TMEM120B: variants seen among roughly 807,000 people sequenced by gnomAD.
The protein encoded by TMEM120B is transmembrane protein 120B.
A neutral mutation model predicts 55.5 loss-of-function variants in TMEM120B; 31 were observed. That is an observed-to-expected ratio of 0.56 (90% CI 0.42 to 0.75). The LOEUF (loss-of-function observed/expected upper bound fraction) is 0.75. Among genes scored for constraint, TMEM120B ranks in the 30% least tolerant of loss-of-function variants. TMEM120B has a pLI of 0.00. For missense variants in TMEM120B, 399 were observed against 425.5 expected (o/e 0.94, Z 0.55); for synonymous variants, 203 against 176.3 (o/e 1.15, Z -1.20).
rs887773580 is a variant in TMEM120B at position 121,780,640 on chromosome 12, C to G, written c.*4918C>G. On this transcript the variant is annotated 3_prime_UTR_variant, in exon 12 of 12. Coordinates refer to ENST00000449592, the MANE Select transcript of TMEM120B (RefSeq NM_001080825.2). ...ACCTCTCTGGGCCTCAGTTTCTCCC[C>G]CTGTAAACTGGGGGATGTGAACAGC... 2 of 583,724 alleles carry G rather than the reference C, an allele frequency of 3.4e-6. No individual in the cohort carries two copies. Among genetic ancestry groups the G allele is most frequent in the Non-Finnish European group, 6.0e-6 (2 of 334,876 alleles). The allele number at this position is 583,724 out of a possible 1,614,324, so 36.2% of individuals were successfully genotyped here.
intron 1 of TMEM120B, among the ~76,000 whole-genome samples, chr12:121,737,504 CA>C (rs879842557): frequency 8.0e-4 from 111 of 138,484 alleles, no homozygotes; most frequent in Admixed American, 8.0e-4. Flanking sequence ...GACTCTGTCT[CA>C]AAAAAAAAAA....
chr12:121,774,182 CTGGCCTCAAGTGAT>C (rs1172645757), intron 9 of TMEM120B, among the ~76,000 whole-genome samples: 1 of 152,140 alleles, frequency 6.6e-6, no homozygotes, highest in African/African-American at 2.4e-5. Flanking sequence ...TCTCAAACTG[CTGGCCTCAAGTGAT>C]CTGCCCACCT....
intron 1 of TMEM120B, among the ~76,000 whole-genome samples, chr12:121,713,183 C>T (rs1566502749): frequency 6.6e-6 from 1 of 152,184 alleles, no homozygotes; most frequent in Admixed American, 6.5e-5. Flanking sequence ...CCCTCTTCCG[C>T]CGCCCTCCCA....
chr12:121,735,752 G>A (rs560949070), intron 1 of TMEM120B, among the ~76,000 whole-genome samples: 22 of 145,976 alleles, frequency 1.5e-4, no homozygotes, highest in African/African-American at 5.1e-4. Context: ...GTGCAGTGGC[G>A]CATTCTCGGC....
intron 6 of TMEM120B, among the ~76,000 whole-genome samples, chr12:121,765,805 T>C (rs530451839): frequency 1.3e-5 from 2 of 152,294 alleles, no homozygotes; most frequent in South Asian, 4.1e-4. Context: ...TCAGGGCTGA[T>C]TGATCCTGGG....
At chr12:121,735,185 C>CAA (rs377589219) in intron 1 of TMEM120B, among the ~76,000 whole-genome samples, 687 of 66,708 alleles carry the variant, frequency 0.01, 8 homozygotes, top group African/African-American at 0.033. Flanking sequence ...GACTCTGTCT[C>CAA]AAAAAAAAAA....
At chr12:121,764,763 G>A (rs1486371690) in intron 6 of TMEM120B, among the ~76,000 whole-genome samples, 1 of 152,198 alleles carries the variant, frequency 6.6e-6, no homozygotes, top group East Asian at 1.9e-4. Context: ...TGGATGGGGG[G>A]CGACCAGAGA....
At chr12:121,729,495 G>A (rs1019924319) in intron 1 of TMEM120B, among the ~76,000 whole-genome samples, 2 of 152,140 alleles carry the variant, frequency 1.3e-5, no homozygotes, top group African/African-American at 4.8e-5. Context: ...TTCCACTTCT[G>A]GGGTATATAC....
chr12:121,752,185 C>T lies in TMEM120B; in HGVS notation c.423C>T (p.Leu141=). 2 of 1,613,744 alleles carry T rather than the reference C, an allele frequency of 1.2e-6. No homozygotes were observed. The highest frequency in any genetic ancestry group is 1.7e-6 in the Non-Finnish European group (2 of 1,179,896). The change falls in exon 5 of 12, where the codon CTC becomes CTT. Residue 141 remains leucine (L), a synonymous_variant. Transcript: ENST00000449592. ...AGCTCTACCTGACCATCATCCTGCTCCTGGGTGCCGTGGCATGTCGATTTG... is the reference window on the plus strand; with the variant it reads ...AGCTCTACCTGACCATCATCCTGCTTCTGGGTGCCGTGGCATGTCGATTTG... The part of the protein sequence containing the change: ...KFKLYLTIIL[L]LGAVACRFVL...
intron 2 of TMEM120B, among the ~76,000 whole-genome samples, chr12:121,747,014 A>G (rs184569263): frequency 6.6e-6 from 1 of 152,298 alleles, no homozygotes; most frequent in African/African-American, 2.4e-5. Context: ...GTCAGTAATT[A>G]TCCCTTGAGC....
At chr12:121,732,097 A>G (rs1048150517) in intron 1 of TMEM120B, among the ~76,000 whole-genome samples, 27 of 152,342 alleles carry the variant, frequency 1.8e-4, no homozygotes, top group African/African-American at 6.5e-4. Context: ...AGATCGGGCC[A>G]TTGCACTCCA....
intron 9 of TMEM120B, 29 bp from the exon 10 acceptor site, chr12:121,774,629 G>T: frequency 6.2e-7 from 1 of 1,611,828 alleles, no homozygotes; most frequent in South Asian, 1.1e-5. Context: ...CCCCCTCAGC[G>T]GGTCCTTTTT....
intron 1 of TMEM120B, among the ~76,000 whole-genome samples, chr12:121,730,530 A>G (rs1002933429): frequency 1.3e-5 from 2 of 151,538 alleles, no homozygotes; most frequent in Non-Finnish European, 2.9e-5. Context: ...GCATGCCTGT[A>G]GCCCCAACTA....
chr12:121,744,466 T>C (rs1234876492), intron 2 of TMEM120B, among the ~76,000 whole-genome samples: 1 of 152,210 alleles, frequency 6.6e-6, no homozygotes, highest in Admixed American at 6.5e-5. Flanking sequence ...GCCGGACAAG[T>C]AAGCAGGCAG....
intron 1 of TMEM120B, among the ~76,000 whole-genome samples, chr12:121,733,667 A>C (rs1895047002): frequency 6.6e-6 from 1 of 151,746 alleles, no homozygotes; most frequent in Non-Finnish European, 1.5e-5. Flanking sequence ...CCTCCCAAGT[A>C]ACTGGGATTA....
At chr12:121,758,428 C>G (rs1481115022) in intron 5 of TMEM120B, 1 of 982,250 alleles carries the variant, frequency 1.0e-6, no homozygotes, top group Non-Finnish European at 1.2e-6. Flanking sequence ...CGGCCCAGCC[C>G]CGCGCTGTGG....
chr12:121,739,186 TCAAAAAA>T (rs896511417), intron 1 of TMEM120B, among the ~76,000 whole-genome samples: 4 of 151,962 alleles, frequency 2.6e-5, no homozygotes, highest in African/African-American at 7.3e-5. Context: ...AAACTCTGTC[TCAAAAAA>T]CAAAAAACAA....
At chr12:121,725,235 A>G (rs924640461) in intron 1 of TMEM120B, among the ~76,000 whole-genome samples, 3 of 152,120 alleles carry the variant, frequency 2.0e-5, no homozygotes, top group Admixed American at 6.6e-5. Flanking sequence ...ACAACTGTCT[A>G]TCAGTGCCCC....
chr12:121,738,629 G>C (rs1872824003), intron 1 of TMEM120B, among the ~76,000 whole-genome samples: 1 of 152,160 alleles, frequency 6.6e-6, no homozygotes, highest in Non-Finnish European at 1.5e-5. Flanking sequence ...TTAAAACACA[G>C]CCTTTCTCCA....
Sources: gnomAD v4.1 joint callset for allele counts (sites outside exome capture counted in the v4.1 genomes callset) on GRCh38, gnomAD v4.1.1 for gene constraint, MANE v1.5 for transcripts, NCBI Gene and HGNC (gene_info 2026-07-23, HGNC 2026-07-21) for gene names.